ADPGK: variants seen among roughly 807,000 people sequenced by gnomAD.
The protein encoded by ADPGK is ADP dependent glucokinase.
In ADPGK, 26 loss-of-function variants were observed where a neutral mutation model predicts 42.4. The observed-to-expected ratio is 0.61, with a 90% CI of 0.45 to 0.85. ADPGK has a LOEUF of 0.85. ADPGK is among the 40% of genes least tolerant of loss of function. The pLI is 0.00. For missense variants in ADPGK, 571 were observed against 627.0 expected (o/e 0.91, Z 0.95); for synonymous variants, 267 against 252.6 (o/e 1.06, Z -0.54).
intron 1 of ADPGK, among the ~76,000 whole-genome samples, chr15:72,780,743 C>T (rs2066447529): frequency 6.6e-6 from 1 of 152,194 alleles, no homozygotes; most frequent in Admixed American, 6.5e-5. Flanking sequence ...TGCCACTGCA[C>T]ACGCCAGCCT....
intron 3 of ADPGK, among the ~76,000 whole-genome samples, chr15:72,770,358 T>C (rs2151085917): frequency 6.6e-6 from 1 of 152,266 alleles, no homozygotes; most frequent in Middle Eastern, 3.4e-3. Flanking sequence ...CAAGAGCAAA[T>C]GCTGGTCCCA....
At chr15:72,762,093 A>T (rs948729080) in intron 3 of ADPGK, among the ~76,000 whole-genome samples, 1 of 152,044 alleles carries the variant, frequency 6.6e-6, no homozygotes, top group African/African-American at 2.4e-5. Flanking sequence ...GCTGGTCTCA[A>T]TCTCGTGACC....
chr15:72,751,451 A>G lies in ADPGK; in HGVS notation c.*890T>C, dbSNP rs1238078561. 2 of 152,630 alleles carry G rather than the reference A, an allele frequency of 1.3e-5. No homozygotes were observed. Among genetic ancestry groups the G allele is most frequent in the African/African-American group, 4.8e-5 (2 of 41,440 alleles). 9.5% of individuals were successfully genotyped at this position (152,630 alleles called of 1,614,324 possible). A position where few individuals can be genotyped will look rare whatever the true frequency, so the allele number is the denominator to read the frequency against. On this transcript the variant is annotated 3_prime_UTR_variant, in exon 7 of 7. Transcript: ENST00000456471. Reference sequence around the variant, plus strand: ...AAAAAATAAATATATAACATGACAAATTTACTGATGATCCTGGAGCTCTGA... The same window carrying G: ...AAAAAATAAATATATAACATGACAAGTTTACTGATGATCCTGGAGCTCTGA...
rs922029121 is a variant in ADPGK at position 72,752,362 on chromosome 15, C to T, written c.1473G>A (p.Ser491=). The T allele has an allele frequency of 2.9e-5, 46 of 1,613,302 alleles. No homozygotes were observed. The highest frequency in any genetic ancestry group is 4.5e-5 in the East Asian group (2 of 44,882). Residue 491 remains serine (S), a synonymous_variant, in exon 7 of 7, where the codon TCG becomes TCA. Transcript: ENST00000456471. ...DAISAEGLFY[S]EVHPHY is the part of the protein sequence containing the mutation. Reference sequence around the variant, plus strand: ...CTTCCTAATAGTGAGGGTGTACTTCCGAATAGAAGAGTCCTTCGGCTGAAA... The same window carrying T: ...CTTCCTAATAGTGAGGGTGTACTTCTGAATAGAAGAGTCCTTCGGCTGAAA...
intron 2 of ADPGK, among the ~76,000 whole-genome samples, chr15:72,773,981 A>T (rs932331536): frequency 1.3e-5 from 2 of 152,144 alleles, no homozygotes; most frequent in Admixed American, 6.5e-5. Context: ...TGATCCTCCC[A>T]CAGGCACATG....
chr15:72,760,767 C>T (rs1196373087), intron 3 of ADPGK, among the ~76,000 whole-genome samples: 2 of 152,150 alleles, frequency 1.3e-5, no homozygotes, highest in Non-Finnish European at 1.5e-5. Context: ...GACAAAAGAA[C>T]TGTGTCACAG....
In ADPGK at chr15:72,751,960, G is replaced by A. The variant is rs550847584; in HGVS notation, c.*381C>T. The A allele has an allele frequency of 1.5e-5, 3 of 196,622 alleles. No individual in the cohort carries two copies. In the South Asian group the frequency reaches 3.2e-4, roughly 21 times the overall value. The allele number at this position is 196,622 out of a possible 1,614,324, so 12.2% of individuals were successfully genotyped here. On this transcript the variant is annotated 3_prime_UTR_variant, in exon 7 of 7. Coordinates refer to ENST00000456471, the MANE Select transcript of ADPGK (RefSeq NM_001365225.1). The stretch of plus-strand genomic sequence containing the variant: ...GAAAGAAAGAGGAACCTCACATGAG[G>A]CTTTCCTAGAGACCAGGATGTTGGG...
In ADPGK at chr15:72,775,015, G is replaced by T; in HGVS notation, c.316C>A (p.His106Asn). 6 of 1,614,082 alleles carry T rather than the reference G, an allele frequency of 3.7e-6. No homozygotes were observed. Among genetic ancestry groups the T allele is most frequent in the Non-Finnish European group, 5.1e-6 (6 of 1,180,020 alleles). Reference sequence around the variant, plus strand: ...TCATTCCTTGAATGCAGAATGCTGTGATCTTTCCCATTCCCAGGACTAAGG... The same window carrying T: ...TCATTCCTTGAATGCAGAATGCTGTTATCTTTCCCATTCCCAGGACTAAGG... The part of the protein sequence containing the change: ...LGLSPGNGKD[H>N]SILHSRNDLE... Residue 106 changes from histidine to asparagine, a missense_variant, in exon 2 of 7, where the codon CAC (histidine) becomes AAC (asparagine). Around this residue, in one of 2 missense-constraint regions of ADPGK, gnomAD observed 434 missense variants for 522.7 expected, o/e 0.83. Transcript: ENST00000456471.
intron 2 of ADPGK, among the ~76,000 whole-genome samples, chr15:72,773,603 T>G (rs1182128507): frequency 6.6e-6 from 1 of 152,210 alleles, no homozygotes; most frequent in Non-Finnish European, 1.5e-5. Context: ...TAAAAATTTT[T>G]TTCATCAAGA....
In ADPGK at chr15:72,752,423, T is replaced by C; in HGVS notation, c.1412A>G (p.Lys471Arg). ...SFHFTPVLVCKDPIRTVGLGD... is the reference protein window; with the variant it reads ...SFHFTPVLVCRDPIRTVGLGD... Reference sequence around the variant, plus strand: ...AAGGCCTACAGTTCGAATGGGGTCTTTACACACCAATACTGGTGTGAAGTG... The same window carrying C: ...AAGGCCTACAGTTCGAATGGGGTCTCTACACACCAATACTGGTGTGAAGTG... The change falls in exon 7 of 7, where the codon AAA becomes AGA. Residue 471 changes from lysine (K) to arginine (R), a missense_variant. Lys to Arg is a conservative substitution (Grantham distance 26). Transcript: ENST00000456471. 6.2e-7 allele frequency: 1 copy of C among 1,614,228 alleles called. No individual in the cohort carries two copies. Among genetic ancestry groups the C allele is most frequent in the Non-Finnish European group, 8.5e-7 (1 of 1,180,044 alleles).
intron 3 of ADPGK, among the ~76,000 whole-genome samples, chr15:72,769,582 G>C (rs902164579): frequency 6.6e-6 from 1 of 152,126 alleles, no homozygotes; most frequent in Non-Finnish European, 1.5e-5. Context: ...CCTGACCTCA[G>C]GTAATCCGCC....
intron 3 of ADPGK, among the ~76,000 whole-genome samples, chr15:72,769,579 T>G (rs1189701644): frequency 6.6e-6 from 1 of 152,226 alleles, no homozygotes; most frequent in East Asian, 1.9e-4. Context: ...ACTCCTGACC[T>G]CAGGTAATCC....
chr15:72,775,895 G>A (rs1377010849), intron 1 of ADPGK, among the ~76,000 whole-genome samples: 3 of 152,004 alleles, frequency 2.0e-5, no homozygotes, highest in Admixed American at 6.5e-5. Context: ...GAGTGTTTCC[G>A]ATTTTGGAAT....
chr15:72,751,753 T>C lies in ADPGK; in HGVS notation c.*588A>G, dbSNP rs1167346772. 1 of 153,382 alleles carries C rather than the reference T, an allele frequency of 6.5e-6. No homozygotes were observed. The highest frequency in any genetic ancestry group is 1.5e-5 in the Non-Finnish European group (1 of 68,826). 9.5% of individuals were successfully genotyped at this position (153,382 alleles called of 1,614,324 possible). ...CCCAGGCTTCCAGACAACTGCAGAA[T>C]GAAAGAGTCCCTCAGAGGCTCCCCA... On this transcript the variant is annotated 3_prime_UTR_variant, in exon 7 of 7. Transcript: ENST00000456471.
At chr15:72,758,163 A>G in intron 4 of ADPGK, 3 of 1,592,970 alleles carry the variant, frequency 1.9e-6, no homozygotes, top group Non-Finnish European at 1.7e-6. Context: ...TCCAGGCTAG[A>G]CACAAACACC....
intron 3 of ADPGK, among the ~76,000 whole-genome samples, chr15:72,771,051 T>C (rs1054152636): frequency 6.6e-6 from 1 of 152,176 alleles, no homozygotes; most frequent in Non-Finnish European, 1.5e-5. Flanking sequence ...TTGTAGTAGG[T>C]TTTAGATACA....
intron 3 of ADPGK, among the ~76,000 whole-genome samples, chr15:72,766,732 G>T (rs2066265680): frequency 6.6e-6 from 1 of 152,092 alleles, no homozygotes; most frequent in South Asian, 2.1e-4. Flanking sequence ...GTTATCACTT[G>T]AAAGTAGACC....
chr15:72,783,634 C>T lies in ADPGK; in HGVS notation c.58G>A (p.Val20Ile). Residue 20 changes from valine (V) to isoleucine (I), a missense_variant, in exon 1 of 7, where the codon GTC becomes ATC. Val to Ile is a conservative substitution (Grantham distance 29, BLOSUM62 3). Transcript: ENST00000456471. ...GGCAGCTCTGGCTCCAGCAGGAAGACGCAGCCCACGGCCAGCGCCAGGAAG... is the reference window on the plus strand; with the variant it reads ...GGCAGCTCTGGCTCCAGCAGGAAGATGCAGCCCACGGCCAGCGCCAGGAAG... ...AGFLALAVGCVFLLEPELPGS... is the reference protein window; with the variant it reads ...AGFLALAVGCIFLLEPELPGS... 6.6e-7 allele frequency: 1 copy of T among 1,513,810 alleles called. No individual in the cohort carries two copies. The highest frequency in any genetic ancestry group is 1.4e-5 in the African/African-American group (1 of 69,768). The allele number at this position is 1,513,810 out of a possible 1,614,324, so 93.8% of individuals were successfully genotyped here. A position where few individuals can be genotyped will look rare whatever the true frequency, so the allele number is the denominator to read the frequency against.
intron 2 of ADPGK, among the ~76,000 whole-genome samples, chr15:72,773,130 G>C (rs376311643): frequency 2.2e-4 from 33 of 151,828 alleles, no homozygotes; most frequent in African/African-American, 3.1e-4. Context: ...AAAAAAGGGT[G>C]GGGGGGAGGT....
Sources: allele counts gnomAD v4.1 joint callset (sites outside exome capture counted in the v4.1 genomes callset), GRCh38; gene constraint gnomAD v4.1.1; regional missense constraint gnomAD v4.1.1; transcripts MANE v1.5; gene names NCBI Gene and HGNC (gene_info 2026-07-23, HGNC 2026-07-21).